Variants in SLC25A43 observed in about 807,000 individuals in gnomAD.
SLC25A43 encodes the protein solute carrier family 25 member 43, also known as solute carrier family 25, member 43.
SLC25A43 carries 10 observed loss-of-function variants against 22.8 expected under a neutral mutation model. That is an observed-to-expected ratio of 0.44 (90% CI 0.27 to 0.74). The LOEUF (loss-of-function observed/expected upper bound fraction) is 0.74, where lower values mean the gene tolerates loss of function less well. Among genes scored for constraint, SLC25A43 ranks in the 30% least tolerant of loss-of-function variants. The probability of loss-of-function intolerance (pLI) is 0.17; values close to 1 mark genes in which losing one functional copy is unlikely to be tolerated. For synonymous variants in SLC25A43, 106 were observed against 121.6 expected (o/e 0.87, Z 0.84); for missense variants, 233 against 279.1 (o/e 0.83, Z 1.18).
At chrX:119,422,673 G>A (rs367867783) in intron 3 of SLC25A43, among the ~76,000 whole-genome samples, 8 of 111,342 alleles carry the variant, frequency 7.2e-5, no homozygotes, top group East Asian at 5.6e-4. Flanking sequence ...CAAGATGAAG[G>A]TAAGAACACC....
chrX:119,402,651 T>A (rs1198167752), intron 1 of SLC25A43, among the ~76,000 whole-genome samples: 1 of 111,756 alleles, frequency 8.9e-6, no homozygotes, highest in African/African-American at 3.3e-5. Flanking sequence ...CTGTGCTGGC[T>A]GAAAGGAAGG....
chrX:119,434,985 T>C (rs1451231252), intron 3 of SLC25A43, among the ~76,000 whole-genome samples: 1 of 110,027 alleles, frequency 9.1e-6, no homozygotes, highest in Non-Finnish European at 1.9e-5. Flanking sequence ...ACTACAGGCA[T>C]GCGCCACCAC....
intron 1 of SLC25A43, among the ~76,000 whole-genome samples, chrX:119,400,416 A>G (rs1420398226): frequency 9.0e-6 from 1 of 111,695 alleles, no homozygotes; most frequent in Non-Finnish European, 1.9e-5. Context: ...AGGTACCTGC[A>G]TTTGAACTGG....
intron 1 of SLC25A43, 128 bp downstream of exon 1, chrX:119,399,806 C>T (rs2052221077): frequency 9.4e-6 from 7 of 742,115 alleles, no homozygotes; most frequent in South Asian, 5.4e-5. Flanking sequence ...TGTCGATCAC[C>T]TGGGGACCCC....
At chrX:119,421,424 A>G (rs779946971) in intron 3 of SLC25A43, among the ~76,000 whole-genome samples, 4 of 112,022 alleles carry the variant, frequency 3.6e-5, no homozygotes, top group South Asian at 7.4e-4. Flanking sequence ...GGCTAAACAA[A>G]ACACACATTC....
intron 3 of SLC25A43, among the ~76,000 whole-genome samples, chrX:119,414,678 A>G (rs1014604308): frequency 1.8e-5 from 2 of 110,889 alleles, no homozygotes; most frequent in Non-Finnish European, 3.8e-5. Flanking sequence ...TAAAAGGCCT[A>G]TTCTATCCCA....
chrX:119,407,399 G>A (rs57802345), intron 2 of SLC25A43, among the ~76,000 whole-genome samples: 11,856 of 111,343 alleles, frequency 0.11, 498 homozygotes, highest in Middle Eastern at 0.13. Context: ...AGTGGCTTAA[G>A]CAAGCGTCAG....
chrX:119,454,012 G>A lies in SLC25A43; in HGVS notation c.*947G>A, dbSNP rs1030690663. The stretch of plus-strand genomic sequence containing the variant: ...TAAAATCTTGTGTTTCAGAAAGACA[G>A]TTTATACCATGACTGCTTAATTATC... On this transcript the variant is annotated 3_prime_UTR_variant, in exon 5 of 5. Transcript: ENST00000217909. 18 of 112,341 alleles carry A rather than the reference G, an allele frequency of 1.6e-4. No homozygotes were observed. Among genetic ancestry groups the A allele is most frequent in the African/African-American group, 5.5e-4 (17 of 30,870 alleles). 9.3% of individuals were successfully genotyped at this position (112,341 alleles called of 1,213,427 possible).
rs1325481154 is a variant in SLC25A43, at chrX:119,406,691, C to T, written c.507C>T (p.Leu169=). 1.7e-6 allele frequency: 2 copies of T among 1,211,479 alleles called. No individual in the cohort carries two copies. Among genetic ancestry groups the T allele is most frequent in the South Asian group, 1.8e-5 (1 of 56,918 alleles). ...TTGCCCTTTATCGAGGGGTTTCCCT[C>T]ACTGTTGTAGGTAAGATGGACCTTT... ...GFLALYRGVS[L]TVVGALPFSA... Residue 169 remains leucine (L), a synonymous_variant, in exon 2 of 5, where the codon CTC becomes CTT. Transcript: ENST00000217909.
chrX:119,405,901 G>A (rs754380619), intron 1 of SLC25A43, among the ~76,000 whole-genome samples: 2 of 111,520 alleles, frequency 1.8e-5, no homozygotes, highest in Middle Eastern at 4.2e-3. Context: ...GCATGGTGGC[G>A]TGCGCCTGTT....
At chrX:119,419,218 C>T (rs924288562) in intron 3 of SLC25A43, among the ~76,000 whole-genome samples, 3 of 111,111 alleles carry the variant, frequency 2.7e-5, no homozygotes, top group African/African-American at 9.8e-5. Context: ...CTCGGTCCCC[C>T]CACAACTCTG....
chrX:119,430,297 T>A (rs1206274849), intron 3 of SLC25A43, among the ~76,000 whole-genome samples: 1 of 112,928 alleles, frequency 8.9e-6, no homozygotes, highest in East Asian at 2.8e-4. Flanking sequence ...GCGCTTGCTC[T>A]ATGTCAAATA....
intron 3 of SLC25A43, among the ~76,000 whole-genome samples, chrX:119,443,412 C>T (rs1006713705): frequency 2.1e-4 from 23 of 107,273 alleles, no homozygotes; most frequent in African/African-American, 6.8e-4. Flanking sequence ...TGAGCCACCG[C>T]GCCCAGCCCC....
chrX:119,424,160 C>T (rs1468397182), intron 3 of SLC25A43, among the ~76,000 whole-genome samples: 4 of 103,970 alleles, frequency 3.8e-5, no homozygotes, highest in South Asian at 4.2e-4. Context: ...TTGCAGTGAG[C>T]GGAGATCGCA....
chrX:119,409,513 CT>C (rs34555153), intron 2 of SLC25A43, among the ~76,000 whole-genome samples: 931 of 92,626 alleles, frequency 0.01, 3 homozygotes, highest in Non-Finnish European at 0.015. Flanking sequence ...GCCAGCCCAC[CT>C]TTTTTTTTTT....
chrX:119,432,712 T>C (rs1336325313), intron 3 of SLC25A43, among the ~76,000 whole-genome samples: 1 of 103,814 alleles, frequency 9.6e-6, no homozygotes, highest in Non-Finnish European at 1.9e-5. Context: ...CACTTGAACC[T>C]GGGAGACAGA....
At chrX:119,409,513 CTT>C (rs34555153) in intron 2 of SLC25A43, among the ~76,000 whole-genome samples, 1 of 92,810 alleles carries the variant, frequency 1.1e-5, no homozygotes, top group Admixed American at 1.2e-4. Context: ...GCCAGCCCAC[CTT>C]TTTTTTTTTT....
At chrX:119,443,116 CTTTTTTT>C (rs58081965) in intron 3 of SLC25A43, among the ~76,000 whole-genome samples, 7 of 73,457 alleles carry the variant, frequency 9.5e-5, no homozygotes, top group African/African-American at 3.7e-4. Context: ...CATTCTCTCT[CTTTTTTT>C]TTTTTTTTTT....
chrX:119,413,327 A>G (rs1219585274), intron 3 of SLC25A43, among the ~76,000 whole-genome samples: 1 of 111,626 alleles, frequency 9.0e-6, no homozygotes, highest in Non-Finnish European at 1.9e-5. Context: ...GGACCTTCAT[A>G]TATATACATA....
Sources: gnomAD v4.1 joint callset for allele counts (sites outside exome capture counted in the v4.1 genomes callset) on GRCh38, gnomAD v4.1.1 for gene constraint, MANE v1.5 for transcripts, NCBI Gene and HGNC (gene_info 2026-07-23, HGNC 2026-07-21) for gene names.